SEPTIN9: variants seen among roughly 807,000 people sequenced by gnomAD.
The protein encoded by SEPTIN9 is septin 9.
A neutral mutation model predicts 56.6 loss-of-function variants in SEPTIN9; 13 were observed. The ratio of observed to expected loss-of-function variants is 0.23; its 90% CI spans 0.15 to 0.37. The LOEUF (loss-of-function observed/expected upper bound fraction) is 0.37. Ranked by LOEUF, SEPTIN9 falls within the 10% of genes least tolerant of loss-of-function variation. The pLI, the probability that SEPTIN9 is intolerant of heterozygous loss-of-function variation, is 1.00. For synonymous variants in SEPTIN9, 332 were observed against 334.1 expected (o/e 0.99, Z 0.07); for missense variants, 650 against 823.1 (o/e 0.79, Z 2.57).
At chr17:77,484,604 G>GTAA (rs2039614252) in intron 4 of SEPTIN9, among the ~76,000 whole-genome samples, 1 of 147,098 alleles carries the variant, frequency 6.8e-6, no homozygotes, top group Non-Finnish European at 1.5e-5. Flanking sequence ...TGTGATGGTG[G>GTAA]TGGTGATGGT....
intron 2 of SEPTIN9, among the ~76,000 whole-genome samples, chr17:77,382,736 C>G (rs573325668): frequency 7.2e-5 from 11 of 152,304 alleles, no homozygotes; most frequent in Middle Eastern, 3.4e-3. Context: ...AACCCTTGGC[C>G]GCCTGGGCCC....
intron 2 of SEPTIN9, among the ~76,000 whole-genome samples, chr17:77,353,668 A>G (rs1237530683): frequency 6.6e-6 from 1 of 152,152 alleles, no homozygotes; most frequent in East Asian, 1.9e-4. Flanking sequence ...CACACTATGC[A>G]TCATTTTTAG....
At chr17:77,377,029 T>G (rs2034951914) in intron 2 of SEPTIN9, 1 of 152,288 alleles carries the variant, frequency 6.6e-6, no homozygotes, top group South Asian at 2.1e-4. Context: ...TTCCCAGGAA[T>G]GGAGAGGGTA....
intron 2 of SEPTIN9, among the ~76,000 whole-genome samples, chr17:77,321,609 C>A: frequency 6.6e-6 from 1 of 152,206 alleles, no homozygotes; most frequent in Non-Finnish European, 1.5e-5. Flanking sequence ...AGGATGGTCT[C>A]GATCTCCTGA....
At chr17:77,300,307 G>A (rs1016607750) in intron 1 of SEPTIN9, among the ~76,000 whole-genome samples, 2 of 151,336 alleles carry the variant, frequency 1.3e-5, no homozygotes, top group Non-Finnish European at 2.9e-5. Context: ...AAGTTCCTAA[G>A]GCAAGGAGGT....
rs1352835826 is a variant in SEPTIN9, at chr17:77,499,368, A to C, written c.*710A>C. ...AGGGAGGCGTCTTCATCTCCCTGCC[A>C]TCCCCCTCTCACGCCACCCCCGCCC... is the stretch of plus-strand genomic sequence containing the variant. On this transcript the variant is annotated 3_prime_UTR_variant, in exon 12 of 12. Coordinates refer to ENST00000427177, the MANE Select transcript of SEPTIN9 (RefSeq NM_001113491.2). The C allele has an allele frequency of 1.7e-6, 1 of 576,066 alleles. No homozygotes were observed. Among genetic ancestry groups the C allele is most frequent in the South Asian group, 1.5e-5 (1 of 68,674 alleles). 35.7% of individuals were successfully genotyped at this position (576,066 alleles called of 1,614,324 possible).
chr17:77,406,652 GTTTTTTTTTGTGT>G lies in SEPTIN9; in HGVS notation c.721+3961_721+3973del, dbSNP rs551237853. ...TTCTGAGGGTAGGGCTGTTGTCTTT[GTTTTTTTTTGTGT>G]TTTTTTTTTGTTTTTTGTTTTTTGA... is the stretch of plus-strand genomic sequence containing the variant. On this transcript the variant is annotated intron_variant, in intron 3 of 11. Transcript: ENST00000427177. Among the ~76,000 whole-genome samples, 541 of 148,760 alleles carry G rather than the reference GTTTTTTTTTGTGT, an allele frequency of 3.6e-3. 11 individuals carry two copies. In the South Asian group the frequency reaches 0.055, roughly 15 times the overall value.
rs553451592 is a variant in SEPTIN9 at position 77,466,333 on chromosome 17, C to A, written c.722-15811C>A. 40 of 960,676 alleles carry A rather than the reference C, an allele frequency of 4.2e-5. No individual in the cohort carries two copies. In the East Asian group the frequency reaches 4.3e-3, roughly 102 times the overall value. The allele number at this position is 960,676 out of a possible 1,614,324, so 59.5% of individuals were successfully genotyped here. ...CTCAGGAAAGTGGTCAGGCCCGGGC[C>A]AGGCCCCTTCCCCCTCCCAGCCTTG... is the stretch of plus-strand genomic sequence containing the variant. On this transcript the variant is annotated intron_variant, in intron 3 of 11. Coordinates refer to ENST00000427177, the MANE Select transcript of SEPTIN9 (RefSeq NM_001113491.2).
In SEPTIN9 at chr17:77,313,626, C is replaced by G. The variant is rs563577920; in HGVS notation, c.76+6429C>G. Reference sequence around the variant, plus strand: ...CTGCTGGCAGGTACAGTAGCAGGGTCAGCAGGAGGGAGTCCAGGACGGAGC... The same window carrying G: ...CTGCTGGCAGGTACAGTAGCAGGGTGAGCAGGAGGGAGTCCAGGACGGAGC... On this transcript the variant is annotated intron_variant, in intron 2 of 11. Transcript: ENST00000427177. The surrounding 1 kb of genome is among the most constrained non-coding windows in gnomAD (Gnocchi z 4.5). Among the ~76,000 whole-genome samples, 3 of 152,172 alleles carry G rather than the reference C, an allele frequency of 2.0e-5. No homozygotes were observed. The highest frequency in any genetic ancestry group is 4.2e-4 in the South Asian group (2 of 4,808).
chr17:77,496,066 T>G (rs1317434105), intron 10 of SEPTIN9: 2 of 151,484 alleles, frequency 1.3e-5, no homozygotes, highest in African/African-American at 4.9e-5. Flanking sequence ...TTTCACTCTT[T>G]TGCCCAGGCT....
intron 1 of SEPTIN9, among the ~76,000 whole-genome samples, chr17:77,299,952 A>G (rs910102231): frequency 2.6e-5 from 4 of 152,232 alleles, no homozygotes; most frequent in African/African-American, 9.6e-5. Context: ...AACAGAGGCC[A>G]ACGGCACCGC....
chr17:77,492,211 C>T lies in SEPTIN9; in HGVS notation c.1381-410C>T, dbSNP rs1219648159. The stretch of plus-strand genomic sequence containing the variant: ...ATGTTTCTGTTGCACGTACCCATGT[C>T]GGGCTGCTGGCAGGGAGCTGAGAGG... On this transcript the variant is annotated intron_variant, in intron 8 of 11. Transcript: ENST00000427177. This position sits in a 1 kb window ranked among gnomAD's most constrained non-coding sequence, Gnocchi z 5.4. Among the ~76,000 whole-genome samples the T allele has an allele frequency of 2.0e-5, 3 of 152,194 alleles. No individual in the cohort carries two copies. Among genetic ancestry groups the T allele is most frequent in the East Asian group, 3.9e-4 (2 of 5,154 alleles).
intron 3 of SEPTIN9, among the ~76,000 whole-genome samples, chr17:77,478,054 A>G (rs2039298880): frequency 1.3e-5 from 2 of 151,738 alleles, no homozygotes; most frequent in Non-Finnish European, 2.9e-5. Context: ...TACAAGCAGG[A>G]GTGTGAAATT....
At position 77,488,416 on chromosome 17, in the gene SEPTIN9, G is replaced by A. The variant is rs974041609; in HGVS notation, c.1124+95G>A. 2.3e-5 allele frequency: 27 copies of A among 1,174,400 alleles called. No individual in the cohort carries two copies. The East Asian group carries it at 2.7e-4, about 12-fold the overall frequency. The allele number at this position is 1,174,400 out of a possible 1,614,324, so 72.7% of individuals were successfully genotyped here. A position where few individuals can be genotyped will look rare whatever the true frequency, so the allele number is the denominator to read the frequency against. ...CCCTAGAGGTTTCCCGGCCCGCGGG[G>A]GTGCAGGGCCCACCTCCTGGGACCT... On this transcript the variant is annotated intron_variant, in intron 6 of 11. Coordinates refer to ENST00000427177, the MANE Select transcript of SEPTIN9 (RefSeq NM_001113491.2).
chr17:77,487,780 G>T lies in SEPTIN9; in HGVS notation c.1042+228G>T, dbSNP rs149258467. On this transcript the variant is annotated intron_variant, in intron 5 of 11. Transcript: ENST00000427177. This position sits in a 1 kb window ranked among gnomAD's most constrained non-coding sequence, Gnocchi z 4.3. ...CGCCCCTGCCTTCCTGGAGCACAGGGGTTGGGGGTCAAGACCATCACACAC... is the reference window on the plus strand; with the variant it reads ...CGCCCCTGCCTTCCTGGAGCACAGGTGTTGGGGGTCAAGACCATCACACAC... Among the ~76,000 whole-genome samples, 819 of 149,834 alleles carry T rather than the reference G, an allele frequency of 5.5e-3. 11 individuals are homozygous for T. Among genetic ancestry groups the T allele is most frequent in the Non-Finnish European group, 6.0e-3 (408 of 67,492 alleles).
Position 77,355,842 on chromosome 17 carries a change from C to T in SEPTIN9, c.77-46217C>T, listed in dbSNP as rs375089763. The stretch of plus-strand genomic sequence containing the variant: ...CTAAAAATACAAAAAATTAGCCGGG[C>T]GTGGTGGCGGGTGCCTGTAGTCCCA... On this transcript the variant is annotated intron_variant, in intron 2 of 11. Coordinates refer to ENST00000427177, the MANE Select transcript of SEPTIN9 (RefSeq NM_001113491.2). Among the ~76,000 whole-genome samples the T allele has an allele frequency of 5.6e-4, 85 of 151,212 alleles. 2 individuals carry two copies. In the South Asian group the frequency reaches 0.011, roughly 20 times the overall value.
chr17:77,324,717 C>G (rs2033065865), intron 2 of SEPTIN9, among the ~76,000 whole-genome samples: 1 of 151,980 alleles, frequency 6.6e-6, no homozygotes, highest in Admixed American at 6.6e-5. Flanking sequence ...GTTAGGAGAT[C>G]TGTAGATTAA....
chr17:77,485,033 AAGG>A (rs1245501489), intron 4 of SEPTIN9, among the ~76,000 whole-genome samples: 5 of 13,792 alleles, frequency 3.6e-4, no homozygotes, highest in African/African-American at 2.6e-4. Context: ...GATGGTGGTG[AAGG>A]GGGTGATGGT....
intron 2 of SEPTIN9, among the ~76,000 whole-genome samples, chr17:77,363,325 T>C (rs1395223809): frequency 6.9e-6 from 1 of 145,580 alleles, no homozygotes; most frequent in East Asian, 2.1e-4. Context: ...AATCTCAAAG[T>C]GGGCCACCCA....
Sources: allele counts gnomAD v4.1 joint callset (sites outside exome capture counted in the v4.1 genomes callset), GRCh38; gene constraint gnomAD v4.1.1; non-coding constraint Gnocchi (gnomAD v3.1); transcripts MANE v1.5; gene names NCBI Gene and HGNC (gene_info 2026-07-23, HGNC 2026-07-21).